PRKCE: variants seen among roughly 807,000 people sequenced by gnomAD.
PRKCE encodes the protein protein kinase C epsilon type.
A neutral mutation model predicts 85.4 loss-of-function variants in PRKCE; 16 were observed. The observed-to-expected ratio is 0.19, with a 90% CI of 0.13 to 0.28. The LOEUF (loss-of-function observed/expected upper bound fraction) is 0.28, where lower values mean the gene tolerates loss of function less well. PRKCE is among the 10% of genes least tolerant of loss of function. The pLI, the probability that PRKCE is intolerant of heterozygous loss-of-function variation, is 1.00. For synonymous variants in PRKCE, 388 were observed against 371.5 expected, an observed-to-expected ratio of 1.04 and a Z score of -0.51; for missense variants, 573 against 975.2, an observed-to-expected ratio of 0.59 and a Z score of 5.49.
At chr2:45,815,548 A>G (rs979455460) in intron 1 of PRKCE, among the ~76,000 whole-genome samples, 1 of 152,190 alleles carries the variant, frequency 6.6e-6, no homozygotes, top group Non-Finnish European at 1.5e-5. Flanking sequence ...GATCTCAGTA[A>G]ACAAGTGCCC....
intron 10 of PRKCE, among the ~76,000 whole-genome samples, chr2:46,030,526 C>A (rs987102513): frequency 4.6e-5 from 7 of 152,130 alleles, no homozygotes; most frequent in African/African-American, 7.3e-5. Flanking sequence ...ACCATGCCCC[C>A]CTCCCTGGGG....
rs1245497849 is a variant in PRKCE at position 45,895,424 on chromosome 2, C to T, written c.412+52361C>T. The stretch of plus-strand genomic sequence containing the variant: ...GGGAGGCCTAACTGCCTCTCCGCAC[C>T]CTGATGTCATCTGGCTGGTCCCTGG... On this transcript the variant is annotated intron_variant, in intron 2 of 14. Coordinates refer to ENST00000306156, the MANE Select transcript of PRKCE (RefSeq NM_005400.3). This position sits in a 1 kb window ranked among gnomAD's most constrained non-coding sequence, Gnocchi z 4.8. Among the ~76,000 whole-genome samples the T allele has an allele frequency of 6.6e-6, 1 of 152,172 alleles. No homozygotes were observed. The highest frequency in any genetic ancestry group is 2.4e-5 in the African/African-American group (1 of 41,446).
Position 46,138,101 on chromosome 2 carries a change from GT to G in PRKCE, c.1593-6989del, listed in dbSNP as rs891015396. ...TTATAGAATATTTTAAAAGTACATTGTTTAGGGAATTTCCTTTCTTGTCATG... is the reference window on the plus strand; with the variant it reads ...TTATAGAATATTTTAAAAGTACATTGTTAGGGAATTTCCTTTCTTGTCATG... On this transcript the variant is annotated intron_variant, in intron 11 of 14. Transcript: ENST00000306156. This position sits in a 1 kb window ranked among gnomAD's most constrained non-coding sequence, Gnocchi z 4.2. 5.9e-5 allele frequency among the ~76,000 whole-genome samples: 9 copies of G among 152,258 alleles called. No homozygotes were observed. The highest frequency in any genetic ancestry group is 5.9e-4 in the Admixed American group (9 of 15,290).
At chr2:46,141,818 C>T (rs192529022) in intron 11 of PRKCE, among the ~76,000 whole-genome samples, 1 of 152,252 alleles carries the variant, frequency 6.6e-6, no homozygotes, top group African/African-American at 2.4e-5. Flanking sequence ...CCGTCAGTCT[C>T]CAGCAAGTTT....
chr2:45,686,293 G>GAAGCTGTA (rs1421334851), intron 1 of PRKCE: 1 of 152,154 alleles, frequency 6.6e-6, no homozygotes, highest in African/African-American at 2.4e-5. Context: ...TTCCGTAAGG[G>GAAGCTGTA]TTTGCAGAAT....
rs546891284 is a variant in PRKCE, at chr2:45,951,958, G to A, written c.413-24471G>A. 2.4e-4 allele frequency among the ~76,000 whole-genome samples: 36 copies of A among 152,316 alleles called. 1 individual carries two copies. The highest frequency in any genetic ancestry group is 8.7e-4 in the African/African-American group (36 of 41,562). ...AGCTATTCTCATGCCTCAGCCTCCT[G>A]AGTAGCTGGGATTACAGGCATGTGC... On this transcript the variant is annotated intron_variant, in intron 2 of 14. Transcript: ENST00000306156.
chr2:46,062,932 G>A (rs1244141086), intron 10 of PRKCE, among the ~76,000 whole-genome samples: 1 of 152,130 alleles, frequency 6.6e-6, no homozygotes. Flanking sequence ...CCCGGCCTCA[G>A]CTTATTAATG....
chr2:46,183,019 C>T (rs1178581821), intron 14 of PRKCE, among the ~76,000 whole-genome samples: 2 of 152,224 alleles, frequency 1.3e-5, no homozygotes, highest in Non-Finnish European at 2.9e-5. Flanking sequence ...CCTCTCTGAG[C>T]CAGTTTCCTC....
intron 2 of PRKCE, among the ~76,000 whole-genome samples, chr2:45,912,257 T>G (rs771015761): frequency 6.6e-6 from 1 of 152,070 alleles, no homozygotes; most frequent in Non-Finnish European, 1.5e-5. Context: ...AGAGTTGAGA[T>G]AAGGGGTCAA....
chr2:45,863,824 G>A (rs1018150470), intron 2 of PRKCE, among the ~76,000 whole-genome samples: 3 of 152,018 alleles, frequency 2.0e-5, no homozygotes, highest in Non-Finnish European at 4.4e-5. Flanking sequence ...AGCTCTCAGG[G>A]TGGGAAGGGC....
At chr2:45,932,163 A>G (rs1259323747) in intron 2 of PRKCE, among the ~76,000 whole-genome samples, 1 of 152,176 alleles carries the variant, frequency 6.6e-6, no homozygotes, top group African/African-American at 2.4e-5. Context: ...CTTGGTTTTG[A>G]ACTCTACATG....
intron 11 of PRKCE, among the ~76,000 whole-genome samples, chr2:46,095,232 C>T (rs1037641317): frequency 6.6e-6 from 1 of 152,220 alleles, no homozygotes; most frequent in Non-Finnish European, 1.5e-5. Context: ...TAGGCCTTTC[C>T]TCTTGGAGTG....
chr2:45,844,618 T>C (rs1188928990), intron 2 of PRKCE, among the ~76,000 whole-genome samples: 4 of 152,246 alleles, frequency 2.6e-5, no homozygotes, highest in Non-Finnish European at 5.9e-5. Flanking sequence ...CTCCTGATTC[T>C]AGACACTGGC....
chr2:45,682,461 C>G lies in PRKCE; in HGVS notation c.348+30013C>G, dbSNP rs190775249. On this transcript the variant is annotated intron_variant, in intron 1 of 14. Transcript: ENST00000306156. Reference sequence around the variant, plus strand: ...ATTTTTTTTGAGACAGAATCTTGCTCTGTTGACCAGGCTGGAGTGCAGTGG... The same window carrying G: ...ATTTTTTTTGAGACAGAATCTTGCTGTGTTGACCAGGCTGGAGTGCAGTGG... Among the ~76,000 whole-genome samples, 27 of 152,046 alleles carry G rather than the reference C, an allele frequency of 1.8e-4. No individual in the cohort carries two copies. The East Asian group carries it at 2.9e-3, about 16-fold the overall frequency.
intron 1 of PRKCE, among the ~76,000 whole-genome samples, chr2:45,658,113 G>A (rs544340067): frequency 1.2e-4 from 19 of 152,274 alleles, no homozygotes; most frequent in African/African-American, 4.1e-4. Flanking sequence ...TACTAAGGGG[G>A]TAAGGAGGTA....
chr2:45,894,142 T>G (rs116620409), intron 2 of PRKCE, among the ~76,000 whole-genome samples: 2,686 of 152,258 alleles, frequency 0.018, 38 homozygotes, highest in Non-Finnish European at 0.027. Context: ...CAATAGTGCA[T>G]GTCTGTTGAC....
chr2:46,093,404 T>G (rs994834172), intron 11 of PRKCE, among the ~76,000 whole-genome samples: 7 of 35,788 alleles, frequency 2.0e-4, no homozygotes, highest in Non-Finnish European at 6.3e-4. Flanking sequence ...AAAAAAGCAG[T>G]TTTTTTTTTT....
intron 1 of PRKCE, among the ~76,000 whole-genome samples, chr2:45,740,347 A>G (rs1296753439): frequency 2.6e-5 from 4 of 152,186 alleles, no homozygotes; most frequent in Non-Finnish European, 4.4e-5. Flanking sequence ...GGCAATATTC[A>G]GGAGGAAGCA....
At position 45,882,233 on chromosome 2, in the gene PRKCE, A is replaced by G. The variant is rs2122111; in HGVS notation, c.412+39170A>G. 2.6e-5 allele frequency among the ~76,000 whole-genome samples: 4 copies of G among 152,294 alleles called. No homozygotes were observed. The South Asian group carries it at 6.2e-4, about 24-fold the overall frequency. ...GAGGATGCCATGGTGATATACCTCC[A>G]TGTAGAAGCTGTGAAGTTACAGCAC... On this transcript the variant is annotated intron_variant, in intron 2 of 14. Transcript: ENST00000306156.
Sources: gnomAD v4.1 joint callset for allele counts (sites outside exome capture counted in the v4.1 genomes callset) on GRCh38, gnomAD v4.1.1 for gene constraint, Gnocchi (gnomAD v3.1) non-coding constraint, MANE v1.5 for transcripts, NCBI Gene and HGNC (gene_info 2026-07-23, HGNC 2026-07-21) for gene names.